Variants in SND1 observed in about 807,000 individuals in gnomAD.
The protein encoded by SND1 is staphylococcal nuclease and tudor domain containing 1, also known as staphylococcal nuclease domain-containing protein 1.
Under a neutral mutation model 121.7 loss-of-function variants are expected in SND1, and 38 were observed. The observed-to-expected ratio is 0.31, with a 90% CI of 0.24 to 0.41. The LOEUF (loss-of-function observed/expected upper bound fraction) is 0.41. Among genes scored for constraint, SND1 ranks in the 10% least tolerant of loss-of-function variants. The pLI is 1.00. For missense variants in SND1, 868 were observed against 1,184.6 expected, an observed-to-expected ratio of 0.73 and a Z score of 3.92; for synonymous variants, 401 against 447.4, an observed-to-expected ratio of 0.90 and a Z score of 1.31.
At position 127,760,806 on chromosome 7, in the gene SND1, G is replaced by A. The variant is rs999480355; in HGVS notation, c.1152+39406G>A. 3.3e-5 allele frequency among the ~76,000 whole-genome samples: 5 copies of A among 152,076 alleles called. No individual in the cohort carries two copies. The East Asian group carries it at 9.6e-4, about 29-fold the overall frequency. On this transcript the variant is annotated intron_variant, in intron 10 of 23. Coordinates refer to ENST00000354725, the MANE Select transcript of SND1 (RefSeq NM_014390.4). ...GACTTTTCCTTTCTTTACTTAAGTTGCTTACTCATGCCTTCAAGCACTGAG... is the reference window on the plus strand; with the variant it reads ...GACTTTTCCTTTCTTTACTTAAGTTACTTACTCATGCCTTCAAGCACTGAG...
chr7:127,955,216 A>G (rs915867563), intron 15 of SND1, among the ~76,000 whole-genome samples: 3 of 151,954 alleles, frequency 2.0e-5, no homozygotes, highest in African/African-American at 7.3e-5. Flanking sequence ...ACCCTCCTAA[A>G]AGCGCTTTTC....
chr7:127,753,756 T>C (rs148887644), intron 10 of SND1, among the ~76,000 whole-genome samples: 266 of 152,322 alleles, frequency 1.7e-3, no homozygotes, highest in African/African-American at 6.1e-3. Context: ...ATTTCCTGCC[T>C]TCTTTGGGCT....
chr7:127,682,355 T>C (rs1795741806), intron 1 of SND1, among the ~76,000 whole-genome samples: 2 of 152,204 alleles, frequency 1.3e-5, no homozygotes, highest in African/African-American at 4.8e-5. Flanking sequence ...AGCCAGGTCC[T>C]TTGAATCACA....
At chr7:127,910,928 T>G (rs1049304966) in intron 14 of SND1, among the ~76,000 whole-genome samples, 3 of 152,162 alleles carry the variant, frequency 2.0e-5, no homozygotes, top group African/African-American at 7.2e-5. Context: ...GGGCTCTGCA[T>G]TTGGTATCCG....
At chr7:127,785,104 T>C (rs1797788432) in intron 10 of SND1, among the ~76,000 whole-genome samples, 1 of 152,118 alleles carries the variant, frequency 6.6e-6, no homozygotes, top group Admixed American at 6.5e-5. Flanking sequence ...AGATGATATC[T>C]CACTATGCTG....
chr7:127,963,656 T>A (rs1196697031), intron 15 of SND1, among the ~76,000 whole-genome samples: 3 of 42,620 alleles, frequency 7.0e-5, no homozygotes, highest in Non-Finnish European at 1.4e-4. Context: ...TCTATCATTG[T>A]TGGACATTTG....
chr7:128,039,641 TTGTGAATATG>T (rs1792814127), intron 16 of SND1, among the ~76,000 whole-genome samples: 1 of 152,220 alleles, frequency 6.6e-6, no homozygotes, highest in South Asian at 2.1e-4. Context: ...TTCTTGGCAG[TTGTGAATATG>T]TGAGGAGTGA....
At chr7:127,920,178 T>C (rs536617991) in intron 14 of SND1, among the ~76,000 whole-genome samples, 1 of 152,346 alleles carries the variant, frequency 6.6e-6, no homozygotes, top group African/African-American at 2.4e-5. Context: ...TTCTCCTGAA[T>C]AAAACTACAA....
At chr7:127,777,668 C>T (rs4728078) in intron 10 of SND1, among the ~76,000 whole-genome samples, 143,847 of 152,252 alleles carry the variant, frequency 0.94, 68,390 homozygotes, top group Non-Finnish European at 1. Flanking sequence ...ATGTGACATA[C>T]TATTTGTCAG....
At chr7:127,888,729 A>G (rs377766073) in intron 13 of SND1, among the ~76,000 whole-genome samples, 11 of 152,122 alleles carry the variant, frequency 7.2e-5, no homozygotes, top group African/African-American at 2.4e-4. Context: ...ACTGACTTGG[A>G]TAGCTCAGCA....
chr7:127,777,984 A>G (rs978587315), intron 10 of SND1, among the ~76,000 whole-genome samples: 2 of 152,204 alleles, frequency 1.3e-5, no homozygotes, highest in African/African-American at 2.4e-5. Context: ...TACCTGGAAG[A>G]TAGCCCAAAG....
chr7:127,919,264 T>A (rs148045211), intron 14 of SND1, among the ~76,000 whole-genome samples: 33 of 152,340 alleles, frequency 2.2e-4, no homozygotes, highest in Middle Eastern at 6.8e-3. Flanking sequence ...TGACTTTTTT[T>A]CTTCTCTGTT....
At chr7:128,030,697 C>G in intron 16 of SND1, 1 of 1,516,204 alleles carries the variant, frequency 6.6e-7, no homozygotes, top group Non-Finnish European at 8.8e-7. Context: ...AAAGGAGAAC[C>G]AGCCCTACCC....
At chr7:127,835,079 GTGCA>G in intron 11 of SND1, among the ~76,000 whole-genome samples, 1 of 152,154 alleles carries the variant, frequency 6.6e-6, no homozygotes, top group Non-Finnish European at 1.5e-5. Flanking sequence ...ATTTTGGTGG[GTGCA>G]GGCATTCAAA....
chr7:127,832,491 G>T (rs975239576), intron 11 of SND1, among the ~76,000 whole-genome samples: 1 of 152,208 alleles, frequency 6.6e-6, no homozygotes, highest in Non-Finnish European at 1.5e-5. Flanking sequence ...GAAAATGATG[G>T]TGAATGCACT....
chr7:127,687,426 C>T (rs1384784343), intron 2 of SND1, among the ~76,000 whole-genome samples: 1 of 152,106 alleles, frequency 6.6e-6, no homozygotes, highest in African/African-American at 2.4e-5. Context: ...AAATATTGAA[C>T]ATTGTATCCA....
intron 10 of SND1, among the ~76,000 whole-genome samples, chr7:127,743,207 A>G (rs150033571): frequency 6.6e-6 from 1 of 152,340 alleles, no homozygotes; most frequent in African/African-American, 2.4e-5. Context: ...AAATTGTAAG[A>G]GTGTCCAAAT....
intron 15 of SND1, among the ~76,000 whole-genome samples, chr7:127,982,973 G>A (rs1460921553): frequency 6.6e-6 from 1 of 152,206 alleles, no homozygotes; most frequent in Non-Finnish European, 1.5e-5. Flanking sequence ...CTTTCATGTT[G>A]ATGGTTAAAA....
At chr7:127,880,327 T>C (rs760453373) in intron 12 of SND1, among the ~76,000 whole-genome samples, 6 of 152,180 alleles carry the variant, frequency 3.9e-5, no homozygotes, top group Non-Finnish European at 8.8e-5. Context: ...TATAGGTATG[T>C]ATATATAGGA....
Sources: gnomAD v4.1 joint callset for allele counts (sites outside exome capture counted in the v4.1 genomes callset) on GRCh38, gnomAD v4.1.1 for gene constraint, MANE v1.5 for transcripts, NCBI Gene and HGNC (gene_info 2026-07-23, HGNC 2026-07-21) for gene names.